The following ITFG2 variants were observed in gnomAD, a reference collection of about 807,000 sequenced individuals.
The protein encoded by ITFG2 is integrin alpha FG-GAP repeat containing 2.
A neutral mutation model predicts 54.4 loss-of-function variants in ITFG2; 36 were observed. That is an observed-to-expected ratio of 0.66 (90% CI 0.51 to 0.87). The LOEUF (loss-of-function observed/expected upper bound fraction) is 0.87, where lower values mean the gene tolerates loss of function less well. Among genes scored for constraint, ITFG2 ranks in the 40% least tolerant of loss-of-function variants. The pLI is 0.00. For synonymous variants in ITFG2, 211 were observed against 225.4 expected (o/e 0.94, Z 0.57); for missense variants, 524 against 576.7 (o/e 0.91, Z 0.94).
downstream of ITFG2, among the ~76,000 whole-genome samples, chr12:2,829,351 A>G (rs571639627): frequency 2.1e-4 from 32 of 152,254 alleles, no homozygotes; most frequent in Non-Finnish European, 4.1e-4. Context: ...CTCATTCCAA[A>G]CATTCATTGA....
At chr12:2,850,466 ACT>A (rs1200109336) in intron 2 of ITFG2, among the ~76,000 whole-genome samples, 1 of 120,050 alleles carries the variant, frequency 8.3e-6, no homozygotes, top group Non-Finnish European at 1.6e-5. Flanking sequence ...CAAGAGCAAG[ACT>A]CTGTCTCAAA....
chr12:2,820,868 A>C lies in ITFG2; in HGVS notation c.691A>C (p.Ser231Arg), dbSNP rs772237742. 8 of 1,613,946 alleles carry C rather than the reference A, an allele frequency of 5.0e-6. No homozygotes were observed. The highest frequency in any genetic ancestry group is 1.1e-5 in the South Asian group (1 of 91,080). Residue 231 changes from serine (S) to arginine (R), a missense_variant, in exon 6 of 12, where the codon AGT becomes CGT. Coordinates refer to ENST00000228799, the MANE Select transcript of ITFG2 (RefSeq NM_018463.4). Reference protein sequence around the residue: ...PPASEGPTDGSRETPAARDVV... With the variant: ...PPASEGPTDGRRETPAARDVV... ...TGCCTCTGAAGGGCCCACGGATGGT[A>C]GTAGGTAAGGGGGTACAGGCCAGTG...
Position 2,845,698 on chromosome 12 carries a change from A to G in ITFG2, n.300+4703A>G, listed in dbSNP as rs1278074779. On this transcript the variant is annotated intron_variant and non_coding_transcript_variant, in intron 2 of 3. Coordinates refer to the ITFG2 transcript ENST00000537710. This position sits in a 1 kb window ranked among gnomAD's most constrained non-coding sequence, Gnocchi z 4.2. ...TGCCTCCCTCTCAGAGCTGCACTCC[A>G]GCTGTGGTGAAAGAGTGGATCTTTA... 6.6e-6 allele frequency among the ~76,000 whole-genome samples: 1 copy of G among 152,106 alleles called. No homozygotes were observed. Among genetic ancestry groups the G allele is most frequent in the African/African-American group, 2.4e-5 (1 of 41,436 alleles).
intron 1 of ITFG2, 142 bp from the exon 2 acceptor site, chr12:2,817,081 T>A: frequency 1.7e-6 from 1 of 597,732 alleles, no homozygotes; most frequent in Admixed American, 2.6e-5. Context: ...TGTGAGTCAT[T>A]GCACCTGGCC....
At chr12:2,819,099 C>G (rs1308355922) in intron 4 of ITFG2, among the ~76,000 whole-genome samples, 1 of 152,132 alleles carries the variant, frequency 6.6e-6, no homozygotes, top group Non-Finnish European at 1.5e-5. Flanking sequence ...GAGGCTAAGG[C>G]AGGCGGATCC....
In ITFG2 at chr12:2,820,128, G is replaced by A. The variant is rs1223824337; in HGVS notation, c.449G>A (p.Arg150His). Residue 150 changes from arginine (R) to histidine (H), a missense_variant, in exon 5 of 12, where the codon CGT becomes CAT. Coordinates refer to ENST00000228799, the MANE Select transcript of ITFG2 (RefSeq NM_018463.4). ...CRELVVGYTD[R>H]VVRAFRWEEL... ...GAGCTGGTGGTGGGCTACACAGACC[G>A]TGTGGTGCGAGCTTTCCGCTGGGAG... 4.3e-6 allele frequency: 7 copies of A among 1,613,728 alleles called. No homozygotes were observed. Among genetic ancestry groups the A allele is most frequent in the South Asian group, 2.2e-5 (2 of 91,056 alleles).
chr12:2,838,472 G>A (rs1423437992), intron 1 of ITFG2, among the ~76,000 whole-genome samples: 1 of 152,110 alleles, frequency 6.6e-6, no homozygotes, highest in East Asian at 1.9e-4. Flanking sequence ...TGCACTCCAG[G>A]GAAGAGTAAA....
Position 2,812,736 on chromosome 12 carries a change from C to T in ITFG2, c.-25C>T, listed in dbSNP as rs771957721. The T allele has an allele frequency of 1.4e-5, 22 of 1,585,202 alleles. No homozygotes were observed. In the South Asian group the frequency reaches 2.4e-4, roughly 18 times the overall value. The stretch of plus-strand genomic sequence containing the variant: ...TCAGGGAATATTTACTGGGCCTCTC[C>T]GCTCCCTCTGCTCTTGGAGGTGCCA... On this transcript the variant is annotated 5_prime_UTR_variant, in exon 1 of 12. Transcript: ENST00000228799.
At chr12:2,846,921 T>C (rs1028949669) in intron 2 of ITFG2, among the ~76,000 whole-genome samples, 7 of 152,156 alleles carry the variant, frequency 4.6e-5, no homozygotes, top group Non-Finnish European at 4.4e-5. Context: ...ACACAAAATT[T>C]ACCATTTTAA....
chr12:2,837,376 G>T (rs562703171), intron 1 of ITFG2, among the ~76,000 whole-genome samples: 1 of 152,340 alleles, frequency 6.6e-6, no homozygotes, highest in East Asian at 1.9e-4. Context: ...TACTCAGGAG[G>T]CTGAGGCAGG....
At chr12:2,820,625 C>CTTTACATATT in intron 5 of ITFG2, 99 bp from the exon 6 acceptor site, 1 of 371,436 alleles carries the variant, frequency 2.7e-6, no homozygotes, top group Non-Finnish European at 5.3e-6. Flanking sequence ...CTGCCCTGCC[C>CTTTACATATT]CTGCCCCCGC....
At position 2,841,821 on chromosome 12, in the gene ITFG2, T is replaced by G. The variant is rs4766001; in HGVS notation, n.300+826T>G. ...GCAACCTCCGCCTCCTGGGTTCAAG[T>G]GATTCTCCTGTCTCAGCCTCCCGAG... On this transcript the variant is annotated intron_variant and non_coding_transcript_variant, in intron 2 of 3. Coordinates refer to the ITFG2 transcript ENST00000537710. Among the ~76,000 whole-genome samples the G allele has an allele frequency of 4.7e-5, 7 of 149,954 alleles. No individual in the cohort carries two copies. The East Asian group carries it at 6.0e-4, about 13-fold the overall frequency.
At chr12:2,822,067 A>G (rs1052585223) in intron 9 of ITFG2, among the ~76,000 whole-genome samples, 4 of 151,980 alleles carry the variant, frequency 2.6e-5, no homozygotes, top group African/African-American at 9.7e-5. Context: ...AGCTGGGACT[A>G]CAGGCGTGTG....
At chr12:2,850,653 T>TTTTTG (rs150335236) in intron 2 of ITFG2, among the ~76,000 whole-genome samples, 5,940 of 97,680 alleles carry the variant, frequency 0.061, 151 homozygotes, top group African/African-American at 0.12. Context: ...AGAGTCTTTG[T>TTTTTG]TTTTGTTTTG....
At chr12:2,835,807 C>T (rs991408740), upstream of ITFG2, among the ~76,000 whole-genome samples, 1 of 152,228 alleles carries the variant, frequency 6.6e-6, no homozygotes, top group African/African-American at 2.4e-5. Context: ...CAGGCCCAGA[C>T]TTCTTTATAT....
chr12:2,851,814 G>A (rs1225818734), intron 2 of ITFG2, among the ~76,000 whole-genome samples: 2 of 152,098 alleles, frequency 1.3e-5, no homozygotes, highest in Non-Finnish European at 2.9e-5. Context: ...CAGTAGCTGG[G>A]ATTACAGGCA....
chr12:2,841,153 G>A (rs879292279), intron 2 of ITFG2, among the ~76,000 whole-genome samples: 3 of 152,212 alleles, frequency 2.0e-5, no homozygotes, highest in Non-Finnish European at 4.4e-5. Context: ...AGTACAGAAC[G>A]TCATCTCTTG....
Position 2,859,302 on chromosome 12 carries a change from C to T in ITFG2, n.621-232C>T, listed in dbSNP as rs148974985. 9.9e-6 allele frequency: 16 copies of T among 1,613,206 alleles called. No individual in the cohort carries two copies. The highest frequency in any genetic ancestry group is 8.0e-5 in the African/African-American group (6 of 74,826). ...CAGTAGATGCTGTTTTCTCCGAGAC[C>T]GGCTCCTCTCCCTCCTCTCCCTGTG... On this transcript the variant is annotated intron_variant and non_coding_transcript_variant, in intron 3 of 3. Coordinates refer to the ITFG2 transcript ENST00000537710.
chr12:2,858,653 A>T, intron 3 of ITFG2: 1 of 1,613,984 alleles, frequency 6.2e-7, no homozygotes, highest in Non-Finnish European at 8.5e-7. Context: ...GTAGCTCAGG[A>T]ATAAACTGGG....
Sources: gnomAD v4.1 joint callset for allele counts (sites outside exome capture counted in the v4.1 genomes callset) on GRCh38, gnomAD v4.1.1 for gene constraint, Gnocchi (gnomAD v3.1) non-coding constraint, MANE v1.5 for transcripts, NCBI Gene and HGNC (gene_info 2026-07-23, HGNC 2026-07-21) for gene names.